The following RELN variants were observed in gnomAD, a reference collection of about 807,000 sequenced individuals.
RELN encodes the protein reelin.
RELN carries 108 observed loss-of-function variants against 427.6 expected under a neutral mutation model. The ratio of observed to expected loss-of-function variants is 0.25; its 90% CI spans 0.22 to 0.30. RELN has a LOEUF of 0.30. RELN is among the 10% of genes least tolerant of loss of function. The probability of loss-of-function intolerance (pLI) is 1.00; values close to 1 mark genes in which losing one functional copy is unlikely to be tolerated. For missense variants in RELN, 3,715 were observed against 4,302.8 expected, an observed-to-expected ratio of 0.86 and a Z score of 3.82; for synonymous variants, 1,524 against 1,513.4, an observed-to-expected ratio of 1.01 and a Z score of -0.16.
At position 103,557,062 on chromosome 7, in the gene RELN, C is replaced by T. The variant is rs1293070633; in HGVS notation, c.5712G>A (p.Thr1904=). The change falls in exon 38 of 65, where the codon ACG becomes ACA. Residue 1904 remains threonine (T), a synonymous_variant. Transcript: ENST00000428762. ...LMDEFYFPQT[T]NILFINVPLP... ...AGGGAACATTGATGAAAAGTATATT[C>T]GTTGTTTGAGGAAAGTAAAATTCAT... The T allele has an allele frequency of 1.3e-5, 21 of 1,613,482 alleles. No individual in the cohort carries two copies. Among genetic ancestry groups the T allele is most frequent in the Non-Finnish European group, 1.5e-5 (18 of 1,179,398 alleles).
rs1584459530 is a variant in RELN, at chr7:103,746,765, C to G, written c.656+2661G>C. 2.0e-5 allele frequency among the ~76,000 whole-genome samples: 3 copies of G among 151,026 alleles called. No individual in the cohort carries two copies. The South Asian group carries it at 6.2e-4, about 31-fold the overall frequency. On this transcript the variant is annotated intron_variant, in intron 6 of 64. Transcript: ENST00000428762. ...CGATCATTAAAAAGTCAGGAAACAA[C>G]AGGTGCTGGAGAGGATGTGGAGAAA...
intron 2 of RELN, among the ~76,000 whole-genome samples, chr7:103,890,980 G>C (rs62482324): frequency 0.12 from 18,995 of 152,144 alleles, 1,511 homozygotes; most frequent in East Asian, 0.36. Flanking sequence ...CCCTCAGGAG[G>C]TTGAGGGAGG....
Position 103,490,654 on chromosome 7 carries a change from A to T in RELN, c.9605+14T>A, listed in dbSNP as rs748000925. On this transcript the variant is annotated intron_variant, in intron 59 of 64. Transcript: ENST00000428762. Reference sequence around the variant, plus strand: ...CAGATAATTTCACAAAGTTTACCTTAATTTGCAACCTACCTAGAGGAGACA... The same window carrying T: ...CAGATAATTTCACAAAGTTTACCTTTATTTGCAACCTACCTAGAGGAGACA... 1.2e-6 allele frequency: 2 copies of T among 1,614,038 alleles called. No individual in the cohort carries two copies. Among genetic ancestry groups the T allele is most frequent in the African/African-American group, 2.7e-5 (2 of 75,044 alleles).
chr7:103,692,816 C>T (rs1833899758), intron 10 of RELN, among the ~76,000 whole-genome samples: 1 of 151,896 alleles, frequency 6.6e-6, no homozygotes, highest in Non-Finnish European at 1.5e-5. Context: ...CCCGACAAGT[C>T]CTGTTTGTTC....
intron 4 of RELN, among the ~76,000 whole-genome samples, chr7:103,762,944 A>G (rs1791338961): frequency 6.6e-6 from 1 of 152,226 alleles, no homozygotes; most frequent in South Asian, 2.1e-4. Context: ...ATATGTATGC[A>G]AGATGCATGC....
chr7:103,832,569 A>T (rs1793300254), intron 3 of RELN, among the ~76,000 whole-genome samples: 1 of 152,170 alleles, frequency 6.6e-6, no homozygotes, highest in South Asian at 2.1e-4. Flanking sequence ...GGGTGGAAAA[A>T]GGACCCCTGA....
chr7:103,724,484 T>A (rs1790155592), intron 7 of RELN, among the ~76,000 whole-genome samples: 1 of 152,210 alleles, frequency 6.6e-6, no homozygotes, highest in South Asian at 2.1e-4. Context: ...AATACACGGC[T>A]ATAAAGCTAC....
chr7:103,740,718 G>A (rs777568798), intron 6 of RELN, among the ~76,000 whole-genome samples: 2 of 152,144 alleles, frequency 1.3e-5, no homozygotes. Context: ...GAAGTTAATG[G>A]AAGTAAATAC....
intron 3 of RELN, among the ~76,000 whole-genome samples, chr7:103,790,620 G>A (rs902887801): frequency 2.6e-5 from 4 of 152,072 alleles, no homozygotes; most frequent in Non-Finnish European, 5.9e-5. Flanking sequence ...TCTTTGGGAG[G>A]CTGATGAGAT....
At chr7:103,714,734 A>C (rs899761575) in intron 8 of RELN, among the ~76,000 whole-genome samples, 1 of 152,192 alleles carries the variant, frequency 6.6e-6, no homozygotes, top group African/African-American at 2.4e-5. Context: ...ACTGTATCGG[A>C]TAATGCTTTG....
At chr7:103,731,620 T>C (rs983433727) in intron 6 of RELN, among the ~76,000 whole-genome samples, 2 of 152,238 alleles carry the variant, frequency 1.3e-5, no homozygotes, top group African/African-American at 4.8e-5. Context: ...TCCAAAGTCA[T>C]GTGGCAAATC....
chr7:103,576,954 GCA>G (rs148426336), intron 28 of RELN, among the ~76,000 whole-genome samples: 46 of 150,508 alleles, frequency 3.1e-4, no homozygotes, highest in South Asian at 1.7e-3. Context: ...GTGCACACAC[GCA>G]CACACACACA....
chr7:103,797,556 G>A (rs943274402), intron 3 of RELN, among the ~76,000 whole-genome samples: 1 of 152,086 alleles, frequency 6.6e-6, no homozygotes, highest in Non-Finnish European at 1.5e-5. Flanking sequence ...TTAACATTCC[G>A]ATTTTACTAG....
intron 11 of RELN, among the ~76,000 whole-genome samples, chr7:103,675,170 A>G (rs1406037699): frequency 1.3e-5 from 2 of 152,232 alleles, no homozygotes; most frequent in Non-Finnish European, 2.9e-5. Flanking sequence ...CCTTATGCTG[A>G]TAGGCAACTT....
intron 48 of RELN, among the ~76,000 whole-genome samples, chr7:103,521,716 T>C (rs1829712608): frequency 6.6e-6 from 1 of 152,222 alleles, no homozygotes; most frequent in African/African-American, 2.4e-5. Context: ...CCCTGAATAA[T>C]TAAATAGTCT....
intron 1 of RELN, among the ~76,000 whole-genome samples, chr7:103,917,728 G>A (rs535350311): frequency 3.9e-5 from 6 of 152,080 alleles, no homozygotes; most frequent in Admixed American, 6.6e-5. Context: ...TTTTCCTCTC[G>A]TGAAGAAGAA....
chr7:103,906,477 G>A (rs1307770394), intron 2 of RELN, among the ~76,000 whole-genome samples: 4 of 152,104 alleles, frequency 2.6e-5, no homozygotes, highest in African/African-American at 9.7e-5. Flanking sequence ...TAAGCCTGAT[G>A]AAAAGTAAGC....
rs919553841 is a variant in RELN, at chr7:103,563,574, A to G, written c.5211-1621T>C. 2.0e-5 allele frequency among the ~76,000 whole-genome samples: 3 copies of G among 152,246 alleles called. No individual in the cohort carries two copies. Among genetic ancestry groups the G allele is most frequent in the Admixed American group, 6.5e-5 (1 of 15,286 alleles). On this transcript the variant is annotated intron_variant, in intron 34 of 64. Coordinates refer to ENST00000428762, the MANE Select transcript of RELN (RefSeq NM_005045.4). The surrounding 1 kb of genome is among the most constrained non-coding windows in gnomAD (Gnocchi z 4.1). Reference sequence around the variant, plus strand: ...AGTAAGGTAAATTTATTATTGAAGAAAGAAAAATATTCTTTTTTTAAATTT... The same window carrying G: ...AGTAAGGTAAATTTATTATTGAAGAGAGAAAAATATTCTTTTTTTAAATTT...
intron 2 of RELN, among the ~76,000 whole-genome samples, chr7:103,903,431 C>T (rs548574870): frequency 1.3e-5 from 2 of 152,232 alleles, no homozygotes; most frequent in South Asian, 4.1e-4. Context: ...GTAATGACCT[C>T]CTGCTGTGTT....
Sources: allele counts gnomAD v4.1 joint callset (sites outside exome capture counted in the v4.1 genomes callset), GRCh38; gene constraint gnomAD v4.1.1; non-coding constraint Gnocchi (gnomAD v3.1); transcripts MANE v1.5; gene names NCBI Gene and HGNC (gene_info 2026-07-23, HGNC 2026-07-21).